The following DENND6B variants were observed in gnomAD, a reference collection of about 807,000 sequenced individuals.
DENND6B encodes the protein DENN domain containing 6B.
DENND6B carries 73 observed loss-of-function variants against 85.1 expected under a neutral mutation model. The observed-to-expected ratio is 0.86, with a 90% confidence interval of 0.71 to 1.04. The LOEUF (loss-of-function observed/expected upper bound fraction) is 1.04. Ranked by LOEUF, DENND6B falls within the 50% of genes least tolerant of loss-of-function variation. The probability of loss-of-function intolerance (pLI) is 0.00; values close to 1 mark genes in which losing one functional copy is unlikely to be tolerated. For synonymous variants in DENND6B, 357 were observed against 329.3 expected (o/e 1.08, Z -0.91); for missense variants, 715 against 785.8 (o/e 0.91, Z 1.08).
At chr22:50,318,775 T>C in intron 3 of DENND6B, 72 bp downstream of exon 3, 1 of 1,589,636 alleles carries the variant, frequency 6.3e-7, no homozygotes, top group Non-Finnish European at 8.6e-7. Flanking sequence ...GCAGCCATGA[T>C]GCCCCTGGCC....
In DENND6B at chr22:50,313,164, C is replaced by T. The variant is rs575835619; in HGVS notation, c.1348-56G>A. 43 of 1,478,922 alleles carry T rather than the reference C, an allele frequency of 2.9e-5. No homozygotes were observed. The Admixed American group carries it at 5.0e-4, about 17-fold the overall frequency. The allele number at this position is 1,478,922 out of a possible 1,614,324, so 91.6% of individuals were successfully genotyped here. Reference sequence around the variant, plus strand: ...GAACTCGGCCTCACAGGCCTGCACCCGGTACGCTTCCCAGACACACTCCTC... The same window carrying T: ...GAACTCGGCCTCACAGGCCTGCACCTGGTACGCTTCCCAGACACACTCCTC... On this transcript the variant is annotated intron_variant, in intron 16 of 19. Transcript: ENST00000413817.
chr22:50,324,272 G>A (rs2042133474), intron 1 of DENND6B, among the ~76,000 whole-genome samples: 1 of 152,182 alleles, frequency 6.6e-6, no homozygotes, highest in Non-Finnish European at 1.5e-5. Context: ...GGGCTAAGGG[G>A]GAGTCCTGTG....
intron 1 of DENND6B, 142 bp from the exon 2 acceptor site, chr22:50,319,145 G>A (rs750575792): frequency 3.7e-5 from 56 of 1,533,300 alleles, no homozygotes; most frequent in South Asian, 1.8e-4. Context: ...GTGCTGGCTC[G>A]CCCCCTGCTC....
intron 5 of DENND6B, 42 bp from the exon 6 acceptor site, chr22:50,316,517 TCACCCTCGCCA>T (rs2041823934): frequency 9.0e-6 from 14 of 1,551,108 alleles, no homozygotes; most frequent in Non-Finnish European, 1.2e-5. Context: ...GTGCCAGGCC[TCACCCTCGCCA>T]CTCAGGAGCC....
Position 50,326,966 on chromosome 22 carries a change from C to T in DENND6B, c.23G>A (p.Gly8Glu), listed in dbSNP as rs2042207386. 1.2e-5 allele frequency: 15 copies of T among 1,241,210 alleles called. No individual in the cohort carries two copies. Among genetic ancestry groups the T allele is most frequent in the Admixed American group, 4.4e-5 (1 of 22,838 alleles). 76.9% of individuals were successfully genotyped at this position (1,241,210 alleles called of 1,614,324 possible). Residue 8 changes from glycine to glutamate, a missense_variant, in exon 1 of 20, where the codon GGG becomes GAG. Gly to Glu is a moderately conservative substitution (Grantham distance 98). Transcript: ENST00000413817. MDALLGT[G>E]PRRARGCLGA... ...CAGGCAGCCGCGAGCCCGGCGAGGC[C>T]CTGTGCCCAACAGCGCGTCCATGGC...
chr22:50,316,457 G>A lies in DENND6B; in HGVS notation c.472C>T (p.Arg158Cys), dbSNP rs747039298. The A allele has an allele frequency of 5.9e-5, 94 of 1,583,040 alleles. No homozygotes were observed. The highest frequency in any genetic ancestry group is 4.7e-4 in the African/African-American group (35 of 74,012). Residue 158 changes from arginine (R) to cysteine (C), a missense_variant, in exon 6 of 20, where the codon CGC (arginine) becomes TGC (cysteine). Transcript: ENST00000413817. Reference protein sequence around the residue: ...YFQKSLVLVSRLPFVRLFQAL... With the variant: ...YFQKSLVLVSCLPFVRLFQAL... Reference sequence around the variant, plus strand: ...TGGAACAGCCGGACAAAGGGCAAGCGGGACACCAGCACCAAAGACTGCAGG... The same window carrying A: ...TGGAACAGCCGGACAAAGGGCAAGCAGGACACCAGCACCAAAGACTGCAGG...
chr22:50,315,704 G>A lies in DENND6B; in HGVS notation c.758+10C>T, dbSNP rs1476479387. On this transcript the variant is annotated intron_variant, in intron 9 of 19. Transcript: ENST00000413817. ...CTCAAAAGCAGTGTGCAGAACCCTA[G>A]GGGGCTCACCTGAACAGGTCCAGCT... 9.6e-6 allele frequency: 15 copies of A among 1,567,556 alleles called. No homozygotes were observed. The African/African-American group carries it at 1.2e-4, about 13-fold the overall frequency.
intron 9 of DENND6B, chr22:50,315,219 G>A: frequency 2.3e-6 from 1 of 433,672 alleles, no homozygotes; most frequent in Middle Eastern, 7.0e-4. Context: ...GCTGACCTGG[G>A]CTGGGGGGTA....
At chr22:50,319,598 G>A in intron 1 of DENND6B, 3 of 854,098 alleles carry the variant, frequency 3.5e-6, no homozygotes, top group Non-Finnish European at 4.2e-6. Context: ...CACCCGCCAA[G>A]CCAGAGGGCC....
rs1471638110 is a variant in DENND6B at position 50,317,390 on chromosome 22, G to A, written c.373-17C>T. On this transcript the variant is annotated splice_polypyrimidine_tract_variant and intron_variant, in intron 4 of 19. Transcript: ENST00000413817. Reference sequence around the variant, plus strand: ...CGGCTCCCTCTGCAAGGAGCATGGTGTTAGCCAGCCACGCCCCACCCGGAC... The same window carrying A: ...CGGCTCCCTCTGCAAGGAGCATGGTATTAGCCAGCCACGCCCCACCCGGAC... The A allele has an allele frequency of 1.9e-6, 3 of 1,612,356 alleles. No homozygotes were observed. The highest frequency in any genetic ancestry group is 1.7e-5 in the Admixed American group (1 of 59,968).
rs763855222 is a variant in DENND6B, at chr22:50,313,692, C to T, written c.1236G>A (p.Gln412=). The part of the protein sequence containing the change: ...GVQKKRPSDV[Q]SALLRRHLLE... ...GGAGGTGCCGCCGCAGCAGGGCGCT[C>T]TGCACATCTGACGGCCGCTTCTTCT... The change falls in exon 15 of 20, where the codon CAG becomes CAA. Residue 412 remains glutamine (Q), a synonymous_variant. Coordinates refer to ENST00000413817, the MANE Select transcript of DENND6B (RefSeq NM_001001794.4). 5 of 1,601,644 alleles carry T rather than the reference C, an allele frequency of 3.1e-6. No homozygotes were observed. The East Asian group carries it at 1.1e-4, about 36-fold the overall frequency.
chr22:50,317,262 G>A (rs1037270901), intron 5 of DENND6B, 31 bp downstream of exon 5: 2 of 1,610,778 alleles, frequency 1.2e-6, no homozygotes, highest in Admixed American at 3.3e-5. Flanking sequence ...CCGCTCTTGA[G>A]GTGCCAGCCC....
chr22:50,312,506 C>T lies in DENND6B; in HGVS notation c.1560+17G>A. 2.5e-6 allele frequency: 4 copies of T among 1,572,590 alleles called. No homozygotes were observed. The highest frequency in any genetic ancestry group is 1.3e-5 in the African/African-American group (1 of 74,086). Reference sequence around the variant, plus strand: ...CCCACCATGTTCTGGCCCTCCCCAACCCCCAGCCTCTCTCACCGCCTCACA... The same window carrying T: ...CCCACCATGTTCTGGCCCTCCCCAATCCCCAGCCTCTCTCACCGCCTCACA... On this transcript the variant is annotated intron_variant, in intron 18 of 19. Transcript: ENST00000413817.
At position 50,311,941 on chromosome 22, in the gene DENND6B, A is replaced by G; in HGVS notation, c.*198T>C. 1.1e-6 allele frequency: 1 copy of G among 900,448 alleles called. No homozygotes were observed. The highest frequency in any genetic ancestry group is 1.6e-6 in the Non-Finnish European group (1 of 616,596). 55.8% of individuals were successfully genotyped at this position (900,448 alleles called of 1,614,324 possible). A position where few individuals can be genotyped will look rare whatever the true frequency, so the allele number is the denominator to read the frequency against. ...GGAGGCAAGGCTCTGCCTGCGAGGA[A>G]CCCCTATGGTCAAGGCCATGCTGTG... On this transcript the variant is annotated 3_prime_UTR_variant, in exon 20 of 20. Transcript: ENST00000413817.
chr22:50,314,734 AG>A, intron 10 of DENND6B, 34 bp from the exon 11 acceptor site: 1 of 1,571,554 alleles, frequency 6.4e-7, no homozygotes, highest in Non-Finnish European at 8.6e-7. Flanking sequence ...CAGGTGAGGC[AG>A]GGGCAGCCCA....
Position 50,314,457 on chromosome 22 carries a change from TAAAG to T in DENND6B, c.1011_1014del (p.Phe337LeufsTer29). 2 of 1,564,486 alleles carry T rather than the reference TAAAG, an allele frequency of 1.3e-6. No homozygotes were observed. Among genetic ancestry groups the T allele is most frequent in the East Asian group, 2.4e-5 (1 of 42,342 alleles). ...TGGGGCCAGTGCTGGAGTGTTTTGA[TAAAG>T]AAAGGGTTTGTGACTCCCAGGACCA... On this transcript the variant is annotated frameshift_variant, in exon 12 of 20. Transcript: ENST00000413817. LOFTEE classifies it high-confidence loss of function.
rs756773346 is a variant in DENND6B, at chr22:50,317,938, G to A, written c.342C>T (p.His114=). The A allele has an allele frequency of 1.1e-5, 18 of 1,610,602 alleles. No homozygotes were observed. The highest frequency in any genetic ancestry group is 1.5e-5 in the Non-Finnish European group (18 of 1,179,518). ...QRSPWHADDR[H]YNSRAPVALQ... is the part of the protein sequence containing the mutation. The stretch of plus-strand genomic sequence containing the variant: ...GTGCCACAGGGGCCCTGCTGTTGTA[G>A]TGCCTGTCGTCGGCATGCCAGGGGC... Residue 114 remains histidine (H), a synonymous_variant, in exon 4 of 20, where the codon CAC becomes CAT. Coordinates refer to ENST00000413817, the MANE Select transcript of DENND6B (RefSeq NM_001001794.4).
Position 50,314,479 on chromosome 22 carries a change from C to A in DENND6B, c.993G>T (p.Leu331=). ...TGATAAAGAAAGGGTTTGTGACTCC[C>A]AGGACCACGTTTGGTCTAGACAGAC... ...TRTQAPPNVV[L]GVTNPFFIKT... is the part of the protein sequence containing the mutation. Residue 331 remains leucine, a synonymous_variant, in exon 12 of 20, where the codon CTG becomes CTT. Transcript: ENST00000413817. 6.4e-7 allele frequency: 1 copy of A among 1,561,136 alleles called. No individual in the cohort carries two copies. The highest frequency in any genetic ancestry group is 2.4e-5 in the East Asian group (1 of 42,036).
At chr22:50,315,582 A>G (rs1255138798) in intron 9 of DENND6B, 132 bp downstream of exon 9, 4 of 1,096,996 alleles carry the variant, frequency 3.6e-6, no homozygotes, top group Non-Finnish European at 3.9e-6. Context: ...ACACACACAC[A>G]CGTGCACACG....
Sources: gnomAD v4.1 joint callset for allele counts (sites outside exome capture counted in the v4.1 genomes callset) on GRCh38, gnomAD v4.1.1 for gene constraint, MANE v1.5 for transcripts, NCBI Gene and HGNC (gene_info 2026-07-23, HGNC 2026-07-21) for gene names.